The following HS6ST2 variants were observed in gnomAD, a reference collection of about 807,000 sequenced individuals.
The protein encoded by HS6ST2 is heparan sulfate 6-O-sulfotransferase 2.
HS6ST2 carries 17 observed loss-of-function variants against 33.0 expected under a neutral mutation model. The observed-to-expected ratio is 0.52, with a 90% CI of 0.35 to 0.77. The LOEUF is 0.77. HS6ST2 is among the 30% of genes least tolerant of loss of function. The pLI, the probability that HS6ST2 is intolerant of heterozygous loss-of-function variation, is 0.01. For synonymous variants in HS6ST2, 248 were observed against 237.1 expected, an observed-to-expected ratio of 1.05 and a Z score of -0.42; for missense variants, 519 against 551.7, an observed-to-expected ratio of 0.94 and a Z score of 0.59.
chrX:132,829,166 T>C (rs1602724111), intron 2 of HS6ST2, among the ~76,000 whole-genome samples: 2 of 46,720 alleles, frequency 4.3e-5, no homozygotes, highest in East Asian at 8.9e-4. Flanking sequence ...TTGGATCCTG[T>C]AGGTAAGGAA....
intron 2 of HS6ST2, among the ~76,000 whole-genome samples, chrX:132,745,499 C>T (rs1481961650): frequency 8.9e-6 from 1 of 112,207 alleles, no homozygotes; most frequent in Non-Finnish European, 1.9e-5. Flanking sequence ...CCTTATAAAG[C>T]ATAGTGGGAA....
chrX:132,636,656 C>A (rs2063552697), intron 4 of HS6ST2, among the ~76,000 whole-genome samples: 2 of 111,412 alleles, frequency 1.8e-5, no homozygotes, highest in African/African-American at 6.5e-5. Context: ...CCAAATCACA[C>A]CTTGCCAGTA....
chrX:132,850,981 A>T (rs1370643379), intron 2 of HS6ST2, among the ~76,000 whole-genome samples: 2 of 112,111 alleles, frequency 1.8e-5, no homozygotes, highest in Non-Finnish European at 3.8e-5. Context: ...GTCCTCTTCC[A>T]GCTTCACAAT....
chrX:132,806,326 T>C (rs2065282422), intron 2 of HS6ST2, among the ~76,000 whole-genome samples: 2 of 110,749 alleles, frequency 1.8e-5, no homozygotes, highest in East Asian at 5.6e-4. Flanking sequence ...TCATCTCATT[T>C]GTCTTACATG....
At chrX:132,651,306 G>A (rs2063690746) in intron 4 of HS6ST2, among the ~76,000 whole-genome samples, 2 of 111,941 alleles carry the variant, frequency 1.8e-5, no homozygotes, top group Middle Eastern at 4.6e-3. Context: ...CTGGGAGAAG[G>A]AAGTAAAAGG....
At position 132,628,158 on chromosome X, in the gene HS6ST2, T is replaced by C. The variant is rs376746402; in HGVS notation, c.*65A>G. The C allele has an allele frequency of 9.5e-6, 8 of 837,784 alleles. No individual in the cohort carries two copies. The highest frequency in any genetic ancestry group is 3.4e-5 in the East Asian group (1 of 29,019). 69.0% of individuals were successfully genotyped at this position (837,784 alleles called of 1,213,427 possible). A position where few individuals can be genotyped will look rare whatever the true frequency, so the allele number is the denominator to read the frequency against. On this transcript the variant is annotated 3_prime_UTR_variant, in exon 5 of 5. Coordinates refer to ENST00000370833, the MANE Select transcript of HS6ST2 (RefSeq NM_001394073.1). ...CAGGATGTGTTTGGACACTTTCATC[T>C]TTTAAGCTATGCCATCTTTTCAGTG...
At chrX:132,828,450 G>A in intron 2 of HS6ST2, among the ~76,000 whole-genome samples, 1 of 109,164 alleles carries the variant, frequency 9.2e-6, no homozygotes, top group Non-Finnish European at 1.9e-5. Context: ...TCTTGAGCCT[G>A]CCAATGTAAG....
At chrX:132,776,240 C>T (rs767699544) in intron 2 of HS6ST2, among the ~76,000 whole-genome samples, 2 of 111,701 alleles carry the variant, frequency 1.8e-5, no homozygotes, top group African/African-American at 6.5e-5. Flanking sequence ...AGAGAATTGT[C>T]GCAAGACACA....
At chrX:132,796,843 C>G (rs1411348323) in intron 2 of HS6ST2, among the ~76,000 whole-genome samples, 1 of 112,412 alleles carries the variant, frequency 8.9e-6, no homozygotes, top group Non-Finnish European at 1.9e-5. Context: ...CCAATTACCC[C>G]CTATTTCATC....
intron 4 of HS6ST2, among the ~76,000 whole-genome samples, chrX:132,633,037 C>A (rs1372993345): frequency 2.0e-5 from 2 of 102,167 alleles, no homozygotes; most frequent in Non-Finnish European, 4.0e-5. Flanking sequence ...GGTATCACCA[C>A]TGCACTCCAG....
chrX:132,891,406 T>A (rs1277165169), intron 2 of HS6ST2, among the ~76,000 whole-genome samples: 6 of 109,000 alleles, frequency 5.5e-5, no homozygotes, highest in African/African-American at 2.0e-4. Flanking sequence ...TTATTCTACT[T>A]TAAGTTTTAG....
intron 2 of HS6ST2, among the ~76,000 whole-genome samples, chrX:132,932,919 T>A (rs2066789554): frequency 9.4e-6 from 1 of 106,328 alleles, no homozygotes; most frequent in South Asian, 3.9e-4. Flanking sequence ...TTATATATAA[T>A]ATATTTTTCT....
At chrX:132,858,685 G>T (rs1358502521) in intron 2 of HS6ST2, among the ~76,000 whole-genome samples, 1 of 112,096 alleles carries the variant, frequency 8.9e-6, no homozygotes, top group Non-Finnish European at 1.9e-5. Flanking sequence ...GTTTGGCAGT[G>T]CAATAGAATC....
chrX:132,753,584 C>T (rs1040510635), intron 2 of HS6ST2, among the ~76,000 whole-genome samples: 8 of 112,287 alleles, frequency 7.1e-5, no homozygotes, highest in East Asian at 2.8e-4. Flanking sequence ...CCTTCTGCCA[C>T]GACTGTGAGA....
intron 3 of HS6ST2, among the ~76,000 whole-genome samples, chrX:132,678,479 A>T (rs775000092): frequency 8.9e-6 from 1 of 112,766 alleles, no homozygotes; most frequent in Non-Finnish European, 1.9e-5. Flanking sequence ...TGTGTCTGTT[A>T]AAAACACTGA....
rs1490559456 is a variant in HS6ST2, at chrX:132,626,463, C to T, written c.*1760G>A. On this transcript the variant is annotated 3_prime_UTR_variant, in exon 5 of 5. Transcript: ENST00000370833. ...AAAAATTCCTTTCAGTTTTTTAGCT[C>T]TCAGGATTTTCAAGACTGCAATACT... 8.9e-6 allele frequency: 1 copy of T among 112,169 alleles called. No homozygotes were observed. Among genetic ancestry groups the T allele is most frequent in the Non-Finnish European group, 1.9e-5 (1 of 53,206 alleles). 9.2% of individuals were successfully genotyped at this position (112,169 alleles called of 1,213,427 possible).
chrX:132,628,716 T>G lies in HS6ST2; in HGVS notation c.1445A>C (p.Tyr482Ser). The G allele has an allele frequency of 1.7e-6, 2 of 1,211,461 alleles. No individual in the cohort carries two copies. Among genetic ancestry groups the G allele is most frequent in the Non-Finnish European group, 2.2e-6 (2 of 895,387 alleles). ...CATGTTGAAGGTTTTCTCAAACAGA[T>G]ATTGGGTCTTCCGCTGAAACTCAGT... ...GLTEFQRKTQ[Y>S]LFEKTFNMNF... Residue 482 changes from tyrosine (Y) to serine (S), a missense_variant, in exon 5 of 5, where the codon TAT becomes TCT. By Grantham distance (144) the Tyr-to-Ser change is moderately radical. Coordinates refer to ENST00000370833, the MANE Select transcript of HS6ST2 (RefSeq NM_001394073.1).
At chrX:132,918,713 A>G (rs886505575) in intron 2 of HS6ST2, among the ~76,000 whole-genome samples, 1 of 111,327 alleles carries the variant, frequency 9.0e-6, no homozygotes, top group Admixed American at 9.6e-5. Context: ...AAAAAGCCCC[A>G]CAGCCTACTG....
intron 2 of HS6ST2, among the ~76,000 whole-genome samples, chrX:132,795,900 C>T (rs1001051914): frequency 1.8e-5 from 2 of 111,893 alleles, no homozygotes; most frequent in Non-Finnish European, 3.8e-5. Context: ...TGCACTACCG[C>T]ACCCAGCCTC....
Sources: allele counts gnomAD v4.1 joint callset (sites outside exome capture counted in the v4.1 genomes callset), GRCh38; gene constraint gnomAD v4.1.1; transcripts MANE v1.5; gene names NCBI Gene and HGNC (gene_info 2026-07-23, HGNC 2026-07-21).